The following KAT2B variants were observed in gnomAD, a reference collection of about 807,000 sequenced individuals.
The protein encoded by KAT2B is lysine acetyltransferase 2B.
A neutral mutation model predicts 105.9 loss-of-function variants in KAT2B; 36 were observed. The observed-to-expected ratio is 0.34, with a 90% confidence interval of 0.26 to 0.45. KAT2B has a LOEUF of 0.45. Ranked by LOEUF, KAT2B falls within the 20% of genes least tolerant of loss-of-function variation. The pLI, the probability that KAT2B is intolerant of heterozygous loss-of-function variation, is 1.00. For synonymous variants in KAT2B, 397 were observed against 377.9 expected (o/e 1.05, Z -0.59); for missense variants, 820 against 1,021.6 (o/e 0.80, Z 2.69).
intron 2 of KAT2B, among the ~76,000 whole-genome samples, chr3:20,094,036 C>T (rs1698767220): frequency 6.6e-6 from 1 of 152,142 alleles, no homozygotes. Flanking sequence ...CTAGCTCTGC[C>T]TTGTTGGCTG....
Position 20,152,919 on chromosome 3 carries a change from T to C in KAT2B, c.*394T>C, listed in dbSNP as rs1444463366. 6.4e-6 allele frequency: 1 copy of C among 155,530 alleles called. No individual in the cohort carries two copies. The highest frequency in any genetic ancestry group is 1.4e-5 in the Non-Finnish European group (1 of 69,894). 9.6% of individuals were successfully genotyped at this position (155,530 alleles called of 1,614,324 possible). A position where few individuals can be genotyped will look rare whatever the true frequency, so the allele number is the denominator to read the frequency against. ...ATGTTTCCATTTTTTTCTAATGGAA[T>C]GTGAGAGTTTACTTTTATTTTATTC... On this transcript the variant is annotated 3_prime_UTR_variant, in exon 18 of 18. Transcript: ENST00000263754.
chr3:20,098,738 A>G (rs1036776021), intron 3 of KAT2B, among the ~76,000 whole-genome samples: 1 of 152,208 alleles, frequency 6.6e-6, no homozygotes, highest in Non-Finnish European at 1.5e-5. Context: ...TTAGAAACAT[A>G]TACAATGACT....
At chr3:20,098,875 G>C (rs1210424852) in intron 3 of KAT2B, among the ~76,000 whole-genome samples, 1 of 152,132 alleles carries the variant, frequency 6.6e-6, no homozygotes, top group Non-Finnish European at 1.5e-5. Flanking sequence ...ACACAGTTCA[G>C]TGGTGAGACA....
chr3:20,096,280 T>C (rs1311248193), intron 3 of KAT2B, among the ~76,000 whole-genome samples: 1 of 152,186 alleles, frequency 6.6e-6, no homozygotes, highest in African/African-American at 2.4e-5. Context: ...AGCTGCCTCT[T>C]CACTAGTTCT....
At chr3:20,091,160 T>C (rs1325635598) in intron 2 of KAT2B, among the ~76,000 whole-genome samples, 2 of 152,190 alleles carry the variant, frequency 1.3e-5, no homozygotes, top group Non-Finnish European at 2.9e-5. Context: ...ATTTTTTATT[T>C]AATTACTGAT....
chr3:20,118,769 A>C, intron 7 of KAT2B, among the ~76,000 whole-genome samples: 1 of 147,136 alleles, frequency 6.8e-6, no homozygotes, highest in African/African-American at 2.5e-5. Flanking sequence ...AACTATATAT[A>C]TAATATATAT....
At chr3:20,139,083 G>T (rs1699654023) in intron 12 of KAT2B, among the ~76,000 whole-genome samples, 1 of 151,342 alleles carries the variant, frequency 6.6e-6, no homozygotes, top group Non-Finnish European at 1.5e-5. Flanking sequence ...ATCATTTGTA[G>T]AGATGGTGAG....
chr3:20,087,485 C>T (rs1188552133), intron 2 of KAT2B, among the ~76,000 whole-genome samples: 1 of 151,962 alleles, frequency 6.6e-6, no homozygotes, highest in Non-Finnish European at 1.5e-5. Context: ...TATCTATCAC[C>T]TCACATACTT....
intron 11 of KAT2B, among the ~76,000 whole-genome samples, chr3:20,134,734 A>G (rs1699571998): frequency 6.6e-6 from 1 of 152,120 alleles, no homozygotes; most frequent in South Asian, 2.1e-4. Flanking sequence ...ACTATTGAAG[A>G]TACAAATATA....
At position 20,153,790 on chromosome 3, in the gene KAT2B, A is replaced by C. The variant is rs983250437; in HGVS notation, c.*1265A>C. ...TAATTTTTATGATGCAAATTTATAC[A>C]CTGATTTTTGTAAAGGACAAAGTTT... On this transcript the variant is annotated 3_prime_UTR_variant, in exon 18 of 18. Coordinates refer to ENST00000263754, the MANE Select transcript of KAT2B (RefSeq NM_003884.5). 2.0e-5 allele frequency: 3 copies of C among 152,586 alleles called. No individual in the cohort carries two copies. Among genetic ancestry groups the C allele is most frequent in the African/African-American group, 7.2e-5 (3 of 41,442 alleles). 9.5% of individuals were successfully genotyped at this position (152,586 alleles called of 1,614,324 possible).
At chr3:20,107,650 A>G (rs1207305226) in intron 5 of KAT2B, among the ~76,000 whole-genome samples, 30 of 127,342 alleles carry the variant, frequency 2.4e-4, no homozygotes, top group Admixed American at 1.2e-3. Context: ...GAGCAATACT[A>G]TGTCTCAAAA....
At chr3:20,120,340 G>T (rs1278720179) in intron 8 of KAT2B, among the ~76,000 whole-genome samples, 2 of 151,970 alleles carry the variant, frequency 1.3e-5, no homozygotes, top group African/African-American at 4.8e-5. Flanking sequence ...TGACTCTCCT[G>T]CCTCAGTCTC....
chr3:20,098,051 G>T (rs1389371184), intron 3 of KAT2B, among the ~76,000 whole-genome samples: 2 of 151,886 alleles, frequency 1.3e-5, no homozygotes, highest in African/African-American at 4.8e-5. Context: ...CAAACATGGT[G>T]AAACTCTGTC....
At chr3:20,116,461 C>T (rs1264287638) in intron 7 of KAT2B, among the ~76,000 whole-genome samples, 2 of 152,138 alleles carry the variant, frequency 1.3e-5, no homozygotes, top group African/African-American at 4.8e-5. Flanking sequence ...TTGAAATGCA[C>T]TGTATACTGT....
At chr3:20,079,377 G>A (rs1296052195) in intron 2 of KAT2B, among the ~76,000 whole-genome samples, 1 of 151,552 alleles carries the variant, frequency 6.6e-6, no homozygotes, top group Non-Finnish European at 1.5e-5. Context: ...GCTAATTTTT[G>A]TGTTTTTAGT....
intron 2 of KAT2B, among the ~76,000 whole-genome samples, chr3:20,077,471 C>T (rs985059632): frequency 8.5e-5 from 13 of 152,298 alleles, no homozygotes; most frequent in Middle Eastern, 3.4e-3. Flanking sequence ...CTGTACAATA[C>T]GGTAGCCACT....
chr3:20,102,807 C>A (rs1698933026), intron 5 of KAT2B, among the ~76,000 whole-genome samples: 1 of 152,100 alleles, frequency 6.6e-6, no homozygotes, highest in African/African-American at 2.4e-5. Context: ...GCACATCAAG[C>A]TTGCATTAGG....
chr3:20,086,303 C>T (rs1427638645), intron 2 of KAT2B, among the ~76,000 whole-genome samples: 1 of 149,884 alleles, frequency 6.7e-6, no homozygotes, highest in East Asian at 2.0e-4. Flanking sequence ...GGAAGAAAAA[C>T]AAGCTGTATT....
chr3:20,043,943 G>A (rs1462665416), intron 1 of KAT2B, among the ~76,000 whole-genome samples: 1 of 151,904 alleles, frequency 6.6e-6, no homozygotes, highest in Non-Finnish European at 1.5e-5. Context: ...TCACTGGGGG[G>A]CTTTTGAAAG....
Sources: allele counts gnomAD v4.1 joint callset (sites outside exome capture counted in the v4.1 genomes callset), GRCh38; gene constraint gnomAD v4.1.1; transcripts MANE v1.5; gene names NCBI Gene and HGNC (gene_info 2026-07-23, HGNC 2026-07-21).